The following IP6K2 variants were observed in gnomAD, a reference collection of about 807,000 sequenced individuals.
IP6K2 encodes inositol hexakisphosphate kinase 2.
A neutral mutation model predicts 43.3 loss-of-function variants in IP6K2; 9 were observed. That is an observed-to-expected ratio of 0.21 (90% CI 0.13 to 0.36). The LOEUF is 0.36. IP6K2 is among the 10% of genes least tolerant of loss of function. The pLI, the probability that IP6K2 is intolerant of heterozygous loss-of-function variation, is 1.00. For synonymous variants in IP6K2, 209 were observed against 202.4 expected (o/e 1.03, Z -0.28); for missense variants, 332 against 538.4 (o/e 0.62, Z 3.79).
At chr3:48,693,785 T>G in intron 2 of IP6K2, 1 of 1,051,086 alleles carries the variant, frequency 9.5e-7, no homozygotes, top group Non-Finnish European at 1.1e-6. Flanking sequence ...TAAAATATGT[T>G]TTTATTGGTC....
chr3:48,690,817 G>A (rs2077715707), intron 4 of IP6K2, among the ~76,000 whole-genome samples: 1 of 150,946 alleles, frequency 6.6e-6, no homozygotes, highest in African/African-American at 2.4e-5. Flanking sequence ...AAAAAAGAGA[G>A]AGAGAGGAAA....
At chr3:48,693,748 G>A (rs1411787230) in intron 2 of IP6K2, 1 of 1,037,372 alleles carries the variant, frequency 9.6e-7, no homozygotes, top group African/African-American at 1.7e-5. Context: ...CCCCCACACG[G>A]GTAGGCACCC....
chr3:48,695,734 A>C lies in IP6K2; in HGVS notation c.-130-313T>G. On this transcript the variant is annotated intron_variant, in intron 1 of 5. Transcript: ENST00000328631. This position sits in a 1 kb window ranked among gnomAD's most constrained non-coding sequence, Gnocchi z 4.6. ...GATGCCATGGTGAGGTGAAATCACA[A>C]TTTCAAGCCTAATATTTGGATTAAA... 3.7e-6 allele frequency: 1 copy of C among 268,798 alleles called. No individual in the cohort carries two copies. The highest frequency in any genetic ancestry group is 7.0e-6 in the Non-Finnish European group (1 of 143,686). 16.7% of individuals were successfully genotyped at this position (268,798 alleles called of 1,614,324 possible).
intron 1 of IP6K2, among the ~76,000 whole-genome samples, chr3:48,704,897 C>T (rs575600979): frequency 5.3e-5 from 8 of 152,192 alleles, no homozygotes; most frequent in Non-Finnish European, 7.4e-5. Context: ...CTCAGCCTCC[C>T]GAGTAGCTGA....
Position 48,695,130 on chromosome 3 carries a change from G to A in IP6K2, c.162C>T (p.Thr54=), listed in dbSNP as rs941465286. 1 of 1,611,828 alleles carries A rather than the reference G, an allele frequency of 6.2e-7. No individual in the cohort carries two copies. The highest frequency in any genetic ancestry group is 8.5e-7 in the Non-Finnish European group (1 of 1,178,196). ...LVPREHQFYE[T]LPAEMRKFTP... The stretch of plus-strand genomic sequence containing the variant: ...TGAATTTGCGCATCTCAGCAGGGAG[G>A]GTCTCGTAGAACTGATGTTCCCTTG... The change falls in exon 2 of 6, where the codon ACC becomes ACT. Residue 54 remains threonine, a synonymous_variant. Transcript: ENST00000328631. This position sits in a 1 kb window ranked among gnomAD's most constrained non-coding sequence, Gnocchi z 4.6.
At chr3:48,708,747 T>TG (rs1263484164) in intron 1 of IP6K2, among the ~76,000 whole-genome samples, 3 of 152,148 alleles carry the variant, frequency 2.0e-5, no homozygotes, top group Non-Finnish European at 4.4e-5. Context: ...TTGCAATCCT[T>TG]GAGTCATGGT....
intron 1 of IP6K2, among the ~76,000 whole-genome samples, chr3:48,701,245 A>G (rs11706983): frequency 0.13 from 20,285 of 151,990 alleles, 1,502 homozygotes; most frequent in African/African-American, 0.2. Flanking sequence ...CGCCTGGCCC[A>G]TAAGTATGTA....
At chr3:48,716,793 G>T (rs903487517) in intron 1 of IP6K2, among the ~76,000 whole-genome samples, 1 of 152,038 alleles carries the variant, frequency 6.6e-6, no homozygotes, top group Non-Finnish European at 1.5e-5. Context: ...AATGACCTGG[G>T]GAGACCCCTC....
chr3:48,690,238 A>C (rs1273735610), intron 4 of IP6K2, among the ~76,000 whole-genome samples: 1 of 152,260 alleles, frequency 6.6e-6, no homozygotes, highest in Non-Finnish European at 1.5e-5. Context: ...TTCCCATTCA[A>C]GGAATCAGTG....
chr3:48,706,710 C>T (rs930123819), intron 1 of IP6K2, among the ~76,000 whole-genome samples: 6 of 152,062 alleles, frequency 3.9e-5, no homozygotes, highest in African/African-American at 9.7e-5. Context: ...CGTAGTGGCA[C>T]GGGCCCATAG....
chr3:48,707,639 T>C (rs1275326008), intron 1 of IP6K2, among the ~76,000 whole-genome samples: 1 of 152,138 alleles, frequency 6.6e-6, no homozygotes, highest in Admixed American at 6.5e-5. Flanking sequence ...CGTTTTTCCA[T>C]GTTGGACAGG....
Position 48,688,211 on chromosome 3 carries a change from G to C in IP6K2, c.*62C>G, listed in dbSNP as rs1479694574. ...ACCTGGCCATACTGGCTTCCTCCCT[G>C]ACGCAGCACAGCTGTGCCTGGGACA... On this transcript the variant is annotated 3_prime_UTR_variant, in exon 6 of 6. Transcript: ENST00000328631. This position sits in a 1 kb window ranked among gnomAD's most constrained non-coding sequence, Gnocchi z 5.1. 5 of 1,569,218 alleles carry C rather than the reference G, an allele frequency of 3.2e-6. No individual in the cohort carries two copies. In the African/African-American group the frequency reaches 4.0e-5, roughly 13 times the overall value.
chr3:48,705,640 A>G (rs949242176), intron 1 of IP6K2, among the ~76,000 whole-genome samples: 11 of 150,806 alleles, frequency 7.3e-5, no homozygotes, highest in Non-Finnish European at 1.5e-4. Context: ...ATGACAGAGC[A>G]GGACACTGTC....
In IP6K2 at chr3:48,695,569, G is replaced by T. The variant is rs568057648; in HGVS notation, c.-130-148C>A. 9.3e-7 allele frequency: 1 copy of T among 1,079,420 alleles called. No homozygotes were observed. Among genetic ancestry groups the T allele is most frequent in the Non-Finnish European group, 1.2e-6 (1 of 839,594 alleles). 66.9% of individuals were successfully genotyped at this position (1,079,420 alleles called of 1,614,324 possible). ...GCCCATGCCACCCACCTTGGCCCCC[G>T]CCTTCTCCGGCAGAAAAACAAAAAC... On this transcript the variant is annotated intron_variant, in intron 1 of 5. Transcript: ENST00000328631. This position sits in a 1 kb window ranked among gnomAD's most constrained non-coding sequence, Gnocchi z 4.6.
intron 2 of IP6K2, chr3:48,693,986 C>A: frequency 4.4e-6 from 6 of 1,372,688 alleles, no homozygotes; most frequent in South Asian, 1.8e-5. Flanking sequence ...CGACGAGCGC[C>A]TTACAAACGA....
chr3:48,697,344 T>C (rs1234233834), intron 1 of IP6K2, among the ~76,000 whole-genome samples: 2 of 150,618 alleles, frequency 1.3e-5, no homozygotes, highest in African/African-American at 2.5e-5. Flanking sequence ...TTGTTTTGTT[T>C]TTTTTTTTAG....
At chr3:48,691,158 T>A (rs1415181966) in intron 4 of IP6K2, 149 bp downstream of exon 4, 2 of 666,924 alleles carry the variant, frequency 3.0e-6, no homozygotes, top group Non-Finnish European at 5.2e-6. Flanking sequence ...TATTTGCCCA[T>A]AATTATCATA....
chr3:48,691,938 C>G (rs933660021), intron 3 of IP6K2, among the ~76,000 whole-genome samples: 2 of 152,086 alleles, frequency 1.3e-5, no homozygotes, highest in Non-Finnish European at 2.9e-5. Flanking sequence ...CTACGCCTCC[C>G]GGTTCTAGAG....
Position 48,695,462 on chromosome 3 carries a change from C to A in IP6K2, c.-130-41G>T. ...ATGATGACATGGGGGTTCGAAGTAG[C>A]GTGGGAAGTGCCTTAGAGCTGCTCA... On this transcript the variant is annotated intron_variant, in intron 1 of 5. Transcript: ENST00000328631. The surrounding 1 kb of genome is among the most constrained non-coding windows in gnomAD (Gnocchi z 4.6). 1 of 1,397,018 alleles carries A rather than the reference C, an allele frequency of 7.2e-7. No homozygotes were observed. Among genetic ancestry groups the A allele is most frequent in the Non-Finnish European group, 9.3e-7 (1 of 1,073,372 alleles). The allele number at this position is 1,397,018 out of a possible 1,614,324, so 86.5% of individuals were successfully genotyped here.
Sources: gnomAD v4.1 joint callset for allele counts (sites outside exome capture counted in the v4.1 genomes callset) on GRCh38, gnomAD v4.1.1 for gene constraint, Gnocchi (gnomAD v3.1) non-coding constraint, MANE v1.5 for transcripts, NCBI Gene and HGNC (gene_info 2026-07-23, HGNC 2026-07-21) for gene names.